DENND4A: variants seen among roughly 807,000 people sequenced by gnomAD.
DENND4A encodes the protein C-myc promoter-binding protein.
A neutral mutation model predicts 199.3 loss-of-function variants in DENND4A; 70 were observed. The observed-to-expected ratio is 0.35, with a 90% CI of 0.29 to 0.43. The LOEUF (loss-of-function observed/expected upper bound fraction) is 0.43, where lower values mean the gene tolerates loss of function less well. Among genes scored for constraint, DENND4A ranks in the 20% least tolerant of loss-of-function variants. The pLI, the probability that DENND4A is intolerant of heterozygous loss-of-function variation, is 1.00. For synonymous variants in DENND4A, 686 were observed against 766.9 expected (o/e 0.89, Z 1.74); for missense variants, 1,723 against 2,255.8 (o/e 0.76, Z 4.78).
chr15:65,679,469 TACTC>T (rs564016753), intron 23 of DENND4A, among the ~76,000 whole-genome samples: 92 of 152,304 alleles, frequency 6.0e-4, no homozygotes, highest in African/African-American at 2.1e-3. Context: ...AGTTTTTTGA[TACTC>T]TATCAAGTTA....
chr15:65,676,147 T>A (rs199785588), intron 24 of DENND4A, among the ~76,000 whole-genome samples: 5,261 of 143,738 alleles, frequency 0.037, 151 homozygotes, highest in Non-Finnish European at 0.049. Context: ...GAAAAATATA[T>A]ATATATATAT....
intron 7 of DENND4A, among the ~76,000 whole-genome samples, chr15:65,736,297 C>T (rs1002848637): frequency 6.6e-6 from 1 of 152,006 alleles, no homozygotes; most frequent in South Asian, 2.1e-4. Flanking sequence ...CTCGCTCTGT[C>T]GCCCATACTG....
chr15:65,699,592 CAT>C lies in DENND4A; in HGVS notation c.2833+950_2833+951del, dbSNP rs377197798. 7.4e-3 allele frequency among the ~76,000 whole-genome samples: 1,100 copies of C among 149,372 alleles called. 14 individuals are homozygous for C. The highest frequency in any genetic ancestry group is 0.026 in the African/African-American group (1,059 of 40,928). On this transcript the variant is annotated intron_variant, in intron 20 of 32. Transcript: ENST00000443035. ...ATATACACATATATAAATACATATA[CAT>C]ATGTGTATATGTATTATACACACAT... is the stretch of plus-strand genomic sequence containing the variant.
chr15:65,664,478 A>C (rs953466057), intron 31 of DENND4A, 82 bp downstream of exon 31: 5 of 1,528,368 alleles, frequency 3.3e-6, no homozygotes, highest in Non-Finnish European at 4.5e-6. Context: ...TATCATAAGC[A>C]TGAGATATTC....
At chr15:65,727,991 GTTTT>G (rs954099715) in intron 11 of DENND4A, among the ~76,000 whole-genome samples, 6 of 151,342 alleles carry the variant, frequency 4.0e-5, no homozygotes, top group Admixed American at 1.3e-4. Flanking sequence ...ACTATGATGA[GTTTT>G]TTTTGTTTGT....
chr15:65,791,668 G>A (rs2077729507), intron 1 of DENND4A, among the ~76,000 whole-genome samples: 1 of 152,078 alleles, frequency 6.6e-6, no homozygotes, highest in Non-Finnish European at 1.5e-5. Context: ...TAACGGGCTT[G>A]TCAAAATCCC....
intron 23 of DENND4A, among the ~76,000 whole-genome samples, chr15:65,685,912 A>G (rs2076762188): frequency 6.6e-6 from 1 of 151,916 alleles, no homozygotes; most frequent in South Asian, 2.1e-4. Context: ...CTAGCAGCAC[A>G]GTCTTGATAG....
Position 65,683,753 on chromosome 15 carries a change from T to C in DENND4A, c.4179+6662A>G, listed in dbSNP as rs191055723. ...ACCTTATTGGGGCTTAATTTTCATGTCATAACATTCACTCATATTAAGTCT... is the reference window on the plus strand; with the variant it reads ...ACCTTATTGGGGCTTAATTTTCATGCCATAACATTCACTCATATTAAGTCT... On this transcript the variant is annotated intron_variant, in intron 23 of 32. Coordinates refer to ENST00000443035, the MANE Select transcript of DENND4A (RefSeq NM_001320835.1). Among the ~76,000 whole-genome samples the C allele has an allele frequency of 8.5e-5, 13 of 152,330 alleles. 1 individual carries two copies. In the East Asian group the frequency reaches 2.5e-3, roughly 29 times the overall value.
chr15:65,679,542 T>G (rs754079577), intron 23 of DENND4A, among the ~76,000 whole-genome samples: 6 of 152,050 alleles, frequency 3.9e-5, no homozygotes, highest in Non-Finnish European at 5.9e-5. Context: ...ATTAAAAACA[T>G]TTTTTTGAGG....
At chr15:65,768,889 G>A (rs1410419650) in intron 1 of DENND4A, among the ~76,000 whole-genome samples, 4 of 151,944 alleles carry the variant, frequency 2.6e-5, no homozygotes, top group South Asian at 2.1e-4. Flanking sequence ...AGGTACTCGG[G>A]TGGCTGAGAC....
At chr15:65,773,603 C>T (rs1313879002) in intron 1 of DENND4A, among the ~76,000 whole-genome samples, 2 of 152,160 alleles carry the variant, frequency 1.3e-5, no homozygotes, top group Non-Finnish European at 2.9e-5. Flanking sequence ...CTTTTCTTTA[C>T]TCATCATTTC....
At chr15:65,720,949 A>T (rs113111520) in intron 12 of DENND4A, among the ~76,000 whole-genome samples, 403 of 23,312 alleles carry the variant, frequency 0.017, 5 homozygotes, top group Non-Finnish European at 0.027. Flanking sequence ...TTCATTGATT[A>T]TATATATATA....
intron 23 of DENND4A, among the ~76,000 whole-genome samples, chr15:65,682,634 C>A (rs1204887605): frequency 6.6e-6 from 1 of 152,220 alleles, no homozygotes; most frequent in African/African-American, 2.4e-5. Flanking sequence ...TTTCCCTTTG[C>A]ATTCACAACT....
At chr15:65,677,130 C>T (rs2076406736) in intron 23 of DENND4A, among the ~76,000 whole-genome samples, 1 of 152,082 alleles carries the variant, frequency 6.6e-6, no homozygotes, top group Admixed American at 6.5e-5. Context: ...CCTGTAATTC[C>T]ACCTTGGAAC....
chr15:65,774,362 T>C (rs1319016288), intron 1 of DENND4A, among the ~76,000 whole-genome samples: 1 of 152,194 alleles, frequency 6.6e-6, no homozygotes, highest in African/African-American at 2.4e-5. Context: ...TGGTGGCGCA[T>C]GCCTGTAATC....
intron 2 of DENND4A, among the ~76,000 whole-genome samples, chr15:65,759,197 G>C (rs2140724342): frequency 6.6e-6 from 1 of 152,208 alleles, no homozygotes; most frequent in African/African-American, 2.4e-5. Context: ...AATGAGACTA[G>C]GCCAGGCAAG....
chr15:65,717,936 T>C lies in DENND4A; in HGVS notation c.1649A>G (p.Asn550Ser). 1.2e-6 allele frequency: 2 copies of C among 1,609,832 alleles called. No homozygotes were observed. The highest frequency in any genetic ancestry group is 1.7e-6 in the Non-Finnish European group (2 of 1,177,792). The part of the protein sequence containing the change: ...MDLAINDYDF[N>S]SGKRLHMIDL... ...TATCATGTGCAACCTCTTTCCAGAATTAAAATCATAGTCATTTATTGCTAA... is the reference window on the plus strand; with the variant it reads ...TATCATGTGCAACCTCTTTCCAGAACTAAAATCATAGTCATTTATTGCTAA... The change falls in exon 13 of 33, where the codon AAT becomes AGT. Residue 550 changes from asparagine to serine, a missense_variant. Coordinates refer to ENST00000443035, the MANE Select transcript of DENND4A (RefSeq NM_001320835.1).
At chr15:65,732,866 G>A in intron 7 of DENND4A, 48 bp from the exon 8 acceptor site, 3 of 1,141,578 alleles carry the variant, frequency 2.6e-6, no homozygotes, top group Non-Finnish European at 3.9e-6. Flanking sequence ...AACGTCATAT[G>A]CTATAAAGCT....
intron 16 of DENND4A, 142 bp from the exon 17 acceptor site, chr15:65,702,653 T>C: frequency 1.1e-6 from 1 of 905,784 alleles, no homozygotes; most frequent in Non-Finnish European, 1.7e-6. Flanking sequence ...TTTTCAAGTT[T>C]CTTTTTGAAT....
Sources: allele counts gnomAD v4.1 joint callset (sites outside exome capture counted in the v4.1 genomes callset), GRCh38; gene constraint gnomAD v4.1.1; transcripts MANE v1.5; gene names NCBI Gene and HGNC (gene_info 2026-07-23, HGNC 2026-07-21).